The following ELK3 variants were observed in gnomAD, a reference collection of about 807,000 sequenced individuals.
ELK3 encodes ETS domain-containing protein Elk-3.
A neutral mutation model predicts 28.9 loss-of-function variants in ELK3; 10 were observed. The observed-to-expected ratio is 0.35, with a 90% CI of 0.21 to 0.59. The LOEUF is 0.59. Ranked by LOEUF, ELK3 falls within the 20% of genes least tolerant of loss-of-function variation. ELK3 has a pLI of 0.82. For missense variants in ELK3, 463 were observed against 517.3 expected, an observed-to-expected ratio of 0.90 and a Z score of 1.02; for synonymous variants, 272 against 243.5, an observed-to-expected ratio of 1.12 and a Z score of -1.09.
chr12:96,194,841 G>T (rs1191607916), intron 1 of ELK3, 136 bp downstream of exon 1: 3 of 141,344 alleles, frequency 2.1e-5, no homozygotes, highest in Non-Finnish European at 4.7e-5. Context: ...GGGCCGGGGT[G>T]GGGGTGGCGG....
At chr12:96,224,846 A>C (rs1951688055) in intron 2 of ELK3, among the ~76,000 whole-genome samples, 1 of 152,208 alleles carries the variant, frequency 6.6e-6, no homozygotes, top group East Asian at 1.9e-4. Flanking sequence ...AACTGATTTA[A>C]ATATTAGTTC....
At chr12:96,230,648 G>A (rs1951734186) in intron 2 of ELK3, among the ~76,000 whole-genome samples, 1 of 152,172 alleles carries the variant, frequency 6.6e-6, no homozygotes, top group Non-Finnish European at 1.5e-5. Flanking sequence ...TGGGAATTGA[G>A]CAGCTCCCTG....
intron 1 of ELK3, 167 bp from the exon 2 acceptor site, chr12:96,223,398 C>T (rs1008587998): frequency 1.3e-5 from 8 of 628,844 alleles, no homozygotes; most frequent in Non-Finnish European, 1.9e-5. Flanking sequence ...CCAGGAAGCT[C>T]CTGGTTCAGA....
Position 96,247,640 on chromosome 12 carries a change from C to G in ELK3, c.908C>G (p.Pro303Arg), listed in dbSNP as rs536026245. 6.2e-7 allele frequency: 1 copy of G among 1,612,980 alleles called. No homozygotes were observed. Among genetic ancestry groups the G allele is most frequent in the Non-Finnish European group, 8.5e-7 (1 of 1,179,994 alleles). The part of the protein sequence containing the change: ...KPKGLEISAP[P>R]LVLSGTDIGS... ...AAAGGCTTGGAAATCTCAGCGCCCC[C>G]GCTGGTGCTCTCCGGCACCGACATC... The change falls in exon 3 of 5, where the codon CCG becomes CGG. Residue 303 changes from proline (P) to arginine (R), a missense_variant. Pro to Arg is a moderately radical substitution (Grantham distance 103). Coordinates refer to ENST00000228741, the MANE Select transcript of ELK3 (RefSeq NM_005230.4). The surrounding 1 kb of genome is among the most constrained non-coding windows in gnomAD (Gnocchi z 5.5).
At position 96,247,060 on chromosome 12, in the gene ELK3, A is replaced by G. The variant is rs1043041666; in HGVS notation, c.328A>G (p.Ser110Gly). 3 of 1,613,998 alleles carry G rather than the reference A, an allele frequency of 1.9e-6. No individual in the cohort carries two copies. Among genetic ancestry groups the G allele is most frequent in the African/African-American group, 2.7e-5 (2 of 74,950 alleles). The stretch of plus-strand genomic sequence containing the variant: ...CCGGGAGAGCCTTCTGCTGCAGGAC[A>G]GCGACTGCAAGGCGTCTCCGGAGGG... ...ISRESLLLQD[S>G]DCKASPEGRE... Residue 110 changes from serine to glycine, a missense_variant, in exon 3 of 5, where the codon AGC becomes GGC. Ser to Gly is a moderately conservative substitution (Grantham distance 56). Coordinates refer to ENST00000228741, the MANE Select transcript of ELK3 (RefSeq NM_005230.4). This position sits in a 1 kb window ranked among gnomAD's most constrained non-coding sequence, Gnocchi z 5.5.
At chr12:96,261,255 A>G (rs544768236) in intron 4 of ELK3, among the ~76,000 whole-genome samples, 3 of 152,242 alleles carry the variant, frequency 2.0e-5, no homozygotes, top group South Asian at 2.1e-4. Flanking sequence ...GGTGTCATGA[A>G]GTGACCATAT....
chr12:96,250,585 C>A (rs1442329777), intron 3 of ELK3, among the ~76,000 whole-genome samples: 1 of 152,190 alleles, frequency 6.6e-6, no homozygotes, highest in East Asian at 1.9e-4. Context: ...AACAGCCAGG[C>A]ATTCTGTGGA....
intron 1 of ELK3, among the ~76,000 whole-genome samples, chr12:96,201,033 C>A (rs560042849): frequency 6.6e-6 from 1 of 152,050 alleles, no homozygotes; most frequent in African/African-American, 2.4e-5. Flanking sequence ...AATTCTGTTA[C>A]GGCAATTTCA....
intron 1 of ELK3, chr12:96,212,645 G>A (rs1951585732): frequency 1.3e-5 from 2 of 152,198 alleles, no homozygotes; most frequent in African/African-American, 4.8e-5. Flanking sequence ...GGAAGGCCGG[G>A]TGACCAGTTG....
chr12:96,245,726 A>G (rs987411194), intron 2 of ELK3, among the ~76,000 whole-genome samples: 2 of 152,212 alleles, frequency 1.3e-5, no homozygotes, highest in African/African-American at 2.4e-5. Context: ...GGCAAGGCAC[A>G]CGCAAGCATT....
In ELK3 at chr12:96,247,878, G is replaced by C; in HGVS notation, c.1002+144G>C. 1 of 1,107,516 alleles carries C rather than the reference G, an allele frequency of 9.0e-7. No homozygotes were observed. The allele number at this position is 1,107,516 out of a possible 1,614,324, so 68.6% of individuals were successfully genotyped here. A position where few individuals can be genotyped will look rare whatever the true frequency, so the allele number is the denominator to read the frequency against. On this transcript the variant is annotated intron_variant, in intron 3 of 4. Coordinates refer to ENST00000228741, the MANE Select transcript of ELK3 (RefSeq NM_005230.4). The surrounding 1 kb of genome is among the most constrained non-coding windows in gnomAD (Gnocchi z 5.5). ...GGTCACTGTGTAAATGTGAAGGGAAGCTGCTTTTCCATCCTCAGACCAAGG... is the reference window on the plus strand; with the variant it reads ...GGTCACTGTGTAAATGTGAAGGGAACCTGCTTTTCCATCCTCAGACCAAGG...
In ELK3 at chr12:96,268,468, G is replaced by GTGA. The variant is rs1952058917; in HGVS notation, c.*1290_*1292dup. The GTGA allele has an allele frequency of 6.6e-6, 1 of 152,318 alleles. No homozygotes were observed. The highest frequency in any genetic ancestry group is 1.9e-4 in the East Asian group (1 of 5,188). 9.4% of individuals were successfully genotyped at this position (152,318 alleles called of 1,614,324 possible). Reference sequence around the variant, plus strand: ...CTGTTGTGTAATGTAATTTGGAGCAGTGATAATACAGACATATTTTCTGTT... The same window carrying GTGA: ...CTGTTGTGTAATGTAATTTGGAGCAGTGATGATAATACAGACATATTTTCTGTT... On this transcript the variant is annotated 3_prime_UTR_variant, in exon 5 of 5. Coordinates refer to ENST00000228741, the MANE Select transcript of ELK3 (RefSeq NM_005230.4).
At position 96,218,648 on chromosome 12, in the gene ELK3, A is replaced by AT. The variant is rs144305445; in HGVS notation, c.-2-4899dup. Among the ~76,000 whole-genome samples, 646 of 131,070 alleles carry AT rather than the reference A, an allele frequency of 4.9e-3. 5 individuals carry two copies. Among genetic ancestry groups the AT allele is most frequent in the African/African-American group, 0.012 (441 of 35,512 alleles). 86.0% of individuals were successfully genotyped at this position (131,070 alleles called of 152,430 possible). ...GGGTCTAGGCAGGGGAAAGATAAGC[A>AT]TTTTTTTTTTTTTTTTTTGAGACAG... On this transcript the variant is annotated intron_variant, in intron 1 of 4. Transcript: ENST00000228741.
chr12:96,203,851 G>A (rs1207092544), intron 1 of ELK3, among the ~76,000 whole-genome samples: 1 of 152,176 alleles, frequency 6.6e-6, no homozygotes, highest in Non-Finnish European at 1.5e-5. Context: ...TGAGGCAGGA[G>A]AATCGCTTGA....
intron 4 of ELK3, among the ~76,000 whole-genome samples, chr12:96,260,607 A>C (rs1235768078): frequency 6.6e-6 from 1 of 152,202 alleles, no homozygotes; most frequent in Non-Finnish European, 1.5e-5. Flanking sequence ...CAGGACCGTC[A>C]CTTGCTATCA....
At chr12:96,199,082 T>C (rs1425144654) in intron 1 of ELK3, among the ~76,000 whole-genome samples, 1 of 152,194 alleles carries the variant, frequency 6.6e-6, no homozygotes, top group East Asian at 1.9e-4. Context: ...TTTTGGATTT[T>C]GATGAGTTTC....
At chr12:96,203,264 C>T (rs1292183550) in intron 1 of ELK3, among the ~76,000 whole-genome samples, 2 of 152,262 alleles carry the variant, frequency 1.3e-5, no homozygotes, top group African/African-American at 2.4e-5. Flanking sequence ...CTCCAAAACC[C>T]GGGAACCAAA....
intron 2 of ELK3, among the ~76,000 whole-genome samples, chr12:96,237,519 C>T (rs1477259324): frequency 6.6e-6 from 1 of 152,252 alleles, no homozygotes; most frequent in African/African-American, 2.4e-5. Flanking sequence ...TGTCACACTG[C>T]ATCCAAGCCA....
intron 1 of ELK3, among the ~76,000 whole-genome samples, chr12:96,207,129 G>A (rs1951542980): frequency 6.6e-6 from 1 of 152,148 alleles, no homozygotes; most frequent in African/African-American, 2.4e-5. Context: ...CTACAAGTCG[G>A]GTTTGGTTTA....
Sources: allele counts gnomAD v4.1 joint callset (sites outside exome capture counted in the v4.1 genomes callset), GRCh38; gene constraint gnomAD v4.1.1; non-coding constraint Gnocchi (gnomAD v3.1); transcripts MANE v1.5; gene names NCBI Gene and HGNC (gene_info 2026-07-23, HGNC 2026-07-21).